The following PARVA variants were observed in gnomAD, a reference collection of about 807,000 sequenced individuals.
PARVA encodes parvin alpha.
PARVA carries 25 observed loss-of-function variants against 52.6 expected under a neutral mutation model. The ratio of observed to expected loss-of-function variants is 0.48; its 90% CI spans 0.35 to 0.66. PARVA has a LOEUF of 0.66. PARVA is among the 30% of genes least tolerant of loss of function. PARVA has a pLI of 0.01. For missense variants in PARVA, 373 were observed against 450.9 expected, an observed-to-expected ratio of 0.83 and a Z score of 1.56; for synonymous variants, 185 against 179.1, an observed-to-expected ratio of 1.03 and a Z score of -0.26.
At chr11:12,466,875 C>G (rs1399861168) in intron 1 of PARVA, among the ~76,000 whole-genome samples, 1 of 152,150 alleles carries the variant, frequency 6.6e-6, no homozygotes, top group Non-Finnish European at 1.5e-5. Flanking sequence ...CTCTAGGTCT[C>G]TCGCCTTTTT....
At chr11:12,490,013 G>A (rs971740736) in intron 4 of PARVA, among the ~76,000 whole-genome samples, 10 of 151,530 alleles carry the variant, frequency 6.6e-5, no homozygotes, top group Admixed American at 2.0e-4. Context: ...TCAGGAGATC[G>A]AGACCATCCT....
intron 12 of PARVA, among the ~76,000 whole-genome samples, chr11:12,524,678 G>A (rs915291638): frequency 1.3e-5 from 2 of 152,230 alleles, no homozygotes; most frequent in African/African-American, 2.4e-5. Context: ...TAACCTCCTC[G>A]CCCTCTTGGG....
chr11:12,486,245 A>G (rs1941157110), intron 4 of PARVA, among the ~76,000 whole-genome samples: 1 of 152,192 alleles, frequency 6.6e-6, no homozygotes, highest in Admixed American at 6.5e-5. Flanking sequence ...GTCTATTTAA[A>G]ATAAAGGGCT....
At chr11:12,482,116 ATTG>A (rs1316391567) in intron 4 of PARVA, among the ~76,000 whole-genome samples, 1 of 149,758 alleles carries the variant, frequency 6.7e-6, no homozygotes, top group Admixed American at 6.7e-5. Flanking sequence ...AGATCGTGCC[ATTG>A]CACTCCAGCC....
chr11:12,461,609 C>T (rs1423996160), intron 1 of PARVA, among the ~76,000 whole-genome samples: 3 of 152,208 alleles, frequency 2.0e-5, no homozygotes, highest in South Asian at 2.1e-4. Context: ...CAAATTGTTT[C>T]GACTGCCTGA....
chr11:12,446,397 G>C (rs557204572), intron 1 of PARVA, among the ~76,000 whole-genome samples: 1 of 152,186 alleles, frequency 6.6e-6, no homozygotes, highest in South Asian at 2.1e-4. Context: ...ACTCAAGAAG[G>C]CATTATAATT....
rs116287408 is a variant in PARVA at position 12,518,639 on chromosome 11, C to T, written c.1042+122C>T. ...GCCTTCGTTGCTGGGGAAGGTGGGA[C>T]TCGGTGCAGCTGCTCAGTCCCAGAG... On this transcript the variant is annotated intron_variant, in intron 12 of 12. Coordinates refer to ENST00000334956, the MANE Select transcript of PARVA (RefSeq NM_018222.5). 1.7e-3 allele frequency: 1,241 copies of T among 728,214 alleles called. 11 individuals carry two copies. The African/African-American group carries it at 0.019, about 11-fold the overall frequency. The allele number at this position is 728,214 out of a possible 1,614,324, so 45.1% of individuals were successfully genotyped here.
chr11:12,378,907 C>A (rs909189651), intron 1 of PARVA, among the ~76,000 whole-genome samples: 1 of 152,066 alleles, frequency 6.6e-6, no homozygotes, highest in African/African-American at 2.4e-5. Flanking sequence ...CAGGGTGAGT[C>A]CACACAGTAA....
chr11:12,387,430 ACTGT>A (rs1464029243), intron 1 of PARVA, among the ~76,000 whole-genome samples: 5 of 152,104 alleles, frequency 3.3e-5, no homozygotes, highest in African/African-American at 1.2e-4. Context: ...TTCTTAACTA[ACTGT>A]CTGAATCATC....
chr11:12,525,383 TCC>T (rs1395927707), intron 12 of PARVA, among the ~76,000 whole-genome samples: 1 of 152,070 alleles, frequency 6.6e-6, no homozygotes, highest in African/African-American at 2.4e-5. Flanking sequence ...ATAGTCTGGC[TCC>T]AGTAGGTAGA....
rs977989277 is a variant in PARVA, at chr11:12,533,940, G to T, written c.*6015G>T. On this transcript the variant is annotated 3_prime_UTR_variant, in exon 13 of 13. Transcript: ENST00000334956. The stretch of plus-strand genomic sequence containing the variant: ...TCCCAGCACTTTGGGAGGCCGAGAC[G>T]GACAGATCACAAGGTCAGGAGATTG... 6.6e-6 allele frequency among the ~76,000 whole-genome samples: 1 copy of T among 152,012 alleles called. No individual in the cohort carries two copies.
intron 10 of PARVA, among the ~76,000 whole-genome samples, chr11:12,515,829 T>C (rs2135080777): frequency 6.6e-6 from 1 of 152,232 alleles, no homozygotes; most frequent in South Asian, 2.1e-4. Context: ...GGATAGAAGC[T>C]GGGAGGAGCT....
chr11:12,395,122 C>A (rs1223220978), intron 1 of PARVA, among the ~76,000 whole-genome samples: 2 of 146,858 alleles, frequency 1.4e-5, no homozygotes, highest in African/African-American at 5.1e-5. Context: ...AGAAGAGGCC[C>A]TATGGAAGTT....
In PARVA at chr11:12,527,846, C is replaced by G. The variant is rs1468445017; in HGVS notation, c.1043-3C>G. On this transcript the variant is annotated splice_region_variant and splice_polypyrimidine_tract_variant and intron_variant, in intron 12 of 12. Transcript: ENST00000334956. The stretch of plus-strand genomic sequence containing the variant: ...CAATTGGTGTTTTTTGTTTTCTACG[C>G]AGACATAGTCAACTGTGACCTGAAA... 1 of 1,604,356 alleles carries G rather than the reference C, an allele frequency of 6.2e-7. No homozygotes were observed. The highest frequency in any genetic ancestry group is 1.4e-5 in the African/African-American group (1 of 72,570).
intron 10 of PARVA, among the ~76,000 whole-genome samples, chr11:12,516,313 C>A (rs1002304141): frequency 3.9e-5 from 6 of 152,216 alleles, no homozygotes; most frequent in Non-Finnish European, 7.3e-5. Context: ...CACTCATAAA[C>A]ATTTGGTGGC....
chr11:12,386,900 A>ACCTCTGTG (rs2134948975), intron 1 of PARVA, among the ~76,000 whole-genome samples: 1 of 152,250 alleles, frequency 6.6e-6, no homozygotes, highest in African/African-American at 2.4e-5. Context: ...TAATGAAGGC[A>ACCTCTGTG]CCTCTGTGTC....
intron 1 of PARVA, among the ~76,000 whole-genome samples, chr11:12,453,458 C>T (rs1280824191): frequency 6.6e-6 from 1 of 152,106 alleles, no homozygotes; most frequent in Non-Finnish European, 1.5e-5. Context: ...AGCTCCACTC[C>T]ATAGCTGGAG....
At chr11:12,448,622 C>T (rs1183807842) in intron 1 of PARVA, among the ~76,000 whole-genome samples, 5 of 152,236 alleles carry the variant, frequency 3.3e-5, no homozygotes, top group South Asian at 2.1e-4. Flanking sequence ...TGAAGCAGTG[C>T]CCTGGGATCA....
At chr11:12,465,551 C>G (rs2135027996) in intron 1 of PARVA, among the ~76,000 whole-genome samples, 1 of 152,268 alleles carries the variant, frequency 6.6e-6, no homozygotes, top group Middle Eastern at 3.4e-3. Context: ...TCAGCATTTT[C>G]CCCCATTTAT....
Sources: allele counts gnomAD v4.1 joint callset (sites outside exome capture counted in the v4.1 genomes callset), GRCh38; gene constraint gnomAD v4.1.1; transcripts MANE v1.5; gene names NCBI Gene and HGNC (gene_info 2026-07-23, HGNC 2026-07-21).